DYTN: variants seen among roughly 807,000 people sequenced by gnomAD.
The protein encoded by DYTN is dystrotelin.
Under a neutral mutation model 69.6 loss-of-function variants are expected in DYTN, and 75 were observed. That is an observed-to-expected ratio of 1.08 (90% CI 0.89 to 1.31). The LOEUF (loss-of-function observed/expected upper bound fraction) is 1.31. DYTN is among the 50% of genes most tolerant of loss of function. The probability of loss-of-function intolerance (pLI) is 0.00; values close to 1 mark genes in which losing one functional copy is unlikely to be tolerated. For missense variants in DYTN, 726 were observed against 688.4 expected, an observed-to-expected ratio of 1.05 and a Z score of -0.61; for synonymous variants, 252 against 249.1, an observed-to-expected ratio of 1.01 and a Z score of -0.11.
rs577408199 is a variant in DYTN at position 206,710,070 on chromosome 2, C to T, written c.94+454G>A. ...CCATGGGTTATTTATTCATTTGTAC[C>T]TACTTTTGCATGTTCATATATAGAT... On this transcript the variant is annotated intron_variant, in intron 2 of 11. Coordinates refer to ENST00000452335, the MANE Select transcript of DYTN (RefSeq NM_001093730.1). Among the ~76,000 whole-genome samples the T allele has an allele frequency of 8.5e-5, 13 of 152,150 alleles. 1 individual carries two copies. In the South Asian group the frequency reaches 1.9e-3, roughly 22 times the overall value.
chr2:206,680,445 C>T (rs943669804), intron 9 of DYTN, among the ~76,000 whole-genome samples: 1 of 152,130 alleles, frequency 6.6e-6, no homozygotes, highest in East Asian at 1.9e-4. Flanking sequence ...TATTTACAAA[C>T]ATCAATATGT....
Position 206,705,805 on chromosome 2 carries a change from G to A in DYTN, c.365C>T (p.Pro122Leu). Reference protein sequence around the residue: ...AALITLSGDSPLSKYRALFQL... With the variant: ...AALITLSGDSLLSKYRALFQL... The stretch of plus-strand genomic sequence containing the variant: ...CATGTTACCTCGGTATTTTGAAAGA[G>A]GGCTGTCTCCTGAGAGGGTTATTAG... The change falls in exon 4 of 12, where the codon CCT becomes CTT. Residue 122 changes from proline (P) to leucine (L), a missense_variant. Pro to Leu is a moderately conservative substitution (Grantham distance 98). Coordinates refer to ENST00000452335, the MANE Select transcript of DYTN (RefSeq NM_001093730.1). 2 of 1,613,688 alleles carry A rather than the reference G, an allele frequency of 1.2e-6. No individual in the cohort carries two copies. Among genetic ancestry groups the A allele is most frequent in the South Asian group, 2.2e-5 (2 of 91,020 alleles).
intron 9 of DYTN, among the ~76,000 whole-genome samples, chr2:206,673,549 C>A (rs1699650679): frequency 6.6e-6 from 1 of 151,946 alleles, no homozygotes; most frequent in Non-Finnish European, 1.5e-5. Context: ...AGCCACCACG[C>A]CTGGCCGGTT....
chr2:206,689,851 G>A (rs895933292), intron 9 of DYTN, among the ~76,000 whole-genome samples: 6 of 151,972 alleles, frequency 3.9e-5, no homozygotes, highest in African/African-American at 1.2e-4. Flanking sequence ...TCCATCATGC[G>A]CTATACATTT....
At chr2:206,677,998 A>G (rs934467311) in intron 9 of DYTN, among the ~76,000 whole-genome samples, 5 of 152,198 alleles carry the variant, frequency 3.3e-5, no homozygotes, top group African/African-American at 1.2e-4. Flanking sequence ...TCAAAAAAAA[A>G]AAGACTAACG....
intron 9 of DYTN, chr2:206,678,965 G>T (rs1699720627): frequency 6.6e-6 from 1 of 152,094 alleles, no homozygotes; most frequent in African/African-American, 2.4e-5. Context: ...ACTGCAAAAT[G>T]GTCCAGATTA....
intron 9 of DYTN, among the ~76,000 whole-genome samples, chr2:206,677,145 A>G (rs1473376952): frequency 1.3e-5 from 2 of 152,034 alleles, no homozygotes; most frequent in Admixed American, 6.6e-5. Flanking sequence ...ATGGGGTTTC[A>G]CCACATTGGC....
chr2:206,692,536 A>G (rs1699876222), intron 9 of DYTN, among the ~76,000 whole-genome samples: 1 of 152,218 alleles, frequency 6.6e-6, no homozygotes, highest in African/African-American at 2.4e-5. Flanking sequence ...ACATAAAAAT[A>G]TTTAGATAAA....
chr2:206,659,164 C>CTTT (rs758156864), intron 11 of DYTN, among the ~76,000 whole-genome samples: 47 of 54,292 alleles, frequency 8.7e-4, no homozygotes, highest in African/African-American at 1.4e-3. Flanking sequence ...CTCACAGTCT[C>CTTT]TTTTTTTTTT....
intron 9 of DYTN, among the ~76,000 whole-genome samples, chr2:206,691,559 AATAAAG>A (rs887097934): frequency 8.5e-5 from 13 of 152,328 alleles, no homozygotes; most frequent in African/African-American, 2.9e-4. Flanking sequence ...TGGCTTTAAG[AATAAAG>A]ATAAACTGGA....
rs1331516113 is a variant in DYTN at position 206,700,231 on chromosome 2, C to G, written c.484-15G>C. On this transcript the variant is annotated splice_polypyrimidine_tract_variant and intron_variant, in intron 5 of 11. Coordinates refer to ENST00000452335, the MANE Select transcript of DYTN (RefSeq NM_001093730.1). The stretch of plus-strand genomic sequence containing the variant: ...AAAGTTGGGATCTGCAAGAGACAAC[C>G]TCATCTTAGCTGTTAGAAAGTGGAG... 6.2e-7 allele frequency: 1 copy of G among 1,613,458 alleles called. No homozygotes were observed. Among genetic ancestry groups the G allele is most frequent in the Non-Finnish European group, 8.5e-7 (1 of 1,179,448 alleles).
At chr2:206,707,741 T>C (rs934930437) in intron 2 of DYTN, among the ~76,000 whole-genome samples, 3 of 152,164 alleles carry the variant, frequency 2.0e-5, no homozygotes, top group African/African-American at 7.2e-5. Flanking sequence ...AGCATAGTTG[T>C]AACATTATTA....
chr2:206,673,931 T>G (rs1365539268), intron 9 of DYTN, among the ~76,000 whole-genome samples: 1 of 152,236 alleles, frequency 6.6e-6, no homozygotes, highest in Non-Finnish European at 1.5e-5. Context: ...ACATCACTAT[T>G]GAGTCTTCTA....
intron 2 of DYTN, among the ~76,000 whole-genome samples, chr2:206,709,519 A>G (rs1559318642): frequency 6.6e-6 from 1 of 151,992 alleles, no homozygotes; most frequent in Admixed American, 6.6e-5. Context: ...AGAAGGATGG[A>G]GTTGTTCCTG....
At position 206,663,279 on chromosome 2, in the gene DYTN, A is replaced by T. The variant is rs963298174; in HGVS notation, c.1257T>A (p.Asn419Lys). The stretch of plus-strand genomic sequence containing the variant: ...CCCCTGTTGAAGCATCTTCAGTGGC[A>T]TTCTTGATCTGCAAATAATCCCCTC... Reference protein sequence around the residue: ...PKGGDYLQIKNATEDASTGEP... With the variant: ...PKGGDYLQIKKATEDASTGEP... The change falls in exon 11 of 12, where the codon AAT (asparagine) becomes AAA (lysine). Residue 419 changes from asparagine (N) to lysine (K), a missense_variant. By Grantham distance (94) the Asn-to-Lys change is moderately conservative (BLOSUM62 0). Coordinates refer to ENST00000452335, the MANE Select transcript of DYTN (RefSeq NM_001093730.1). 3 of 1,613,928 alleles carry T rather than the reference A, an allele frequency of 1.9e-6. No individual in the cohort carries two copies. Among genetic ancestry groups the T allele is most frequent in the Admixed American group, 3.3e-5 (2 of 60,004 alleles).
intron 2 of DYTN, among the ~76,000 whole-genome samples, chr2:206,708,696 A>C (rs1381758883): frequency 1.3e-5 from 2 of 152,212 alleles, no homozygotes; most frequent in African/African-American, 4.8e-5. Context: ...CAAGATTTAT[A>C]CAGCGATGTG....
At chr2:206,711,657 C>A (rs1159544446) in intron 1 of DYTN, among the ~76,000 whole-genome samples, 7 of 151,582 alleles carry the variant, frequency 4.6e-5, no homozygotes, top group Non-Finnish European at 8.8e-5. Context: ...CATATGTATA[C>A]ATGTGCCATG....
chr2:206,675,977 G>T (rs1213646895), intron 9 of DYTN, among the ~76,000 whole-genome samples: 1 of 152,164 alleles, frequency 6.6e-6, no homozygotes, highest in Non-Finnish European at 1.5e-5. Flanking sequence ...TTCACACTTG[G>T]TGGGAGTGTA....
rs570854948 is a variant in DYTN, at chr2:206,705,133, G to C, written c.383-190C>G. Reference sequence around the variant, plus strand: ...TGTTTTTAAATGAGGTTTTGTTCCTGTTCCCCAGGTTAGAGTGCAATGGCA... The same window carrying C: ...TGTTTTTAAATGAGGTTTTGTTCCTCTTCCCCAGGTTAGAGTGCAATGGCA... On this transcript the variant is annotated intron_variant, in intron 4 of 11. Transcript: ENST00000452335. 3 of 579,278 alleles carry C rather than the reference G, an allele frequency of 5.2e-6. No homozygotes were observed. The South Asian group carries it at 6.4e-5, about 12-fold the overall frequency. The allele number at this position is 579,278 out of a possible 1,614,324, so 35.9% of individuals were successfully genotyped here. A position where few individuals can be genotyped will look rare whatever the true frequency, so the allele number is the denominator to read the frequency against.
Sources: gnomAD v4.1 joint callset for allele counts (sites outside exome capture counted in the v4.1 genomes callset) on GRCh38, gnomAD v4.1.1 for gene constraint, MANE v1.5 for transcripts, NCBI Gene and HGNC (gene_info 2026-07-23, HGNC 2026-07-21) for gene names.